The following ATP2C1 variants were observed in gnomAD, a reference collection of about 807,000 sequenced individuals.
ATP2C1 encodes ATPase secretory pathway Ca2+ transporting 1.
ATP2C1 carries 31 observed loss-of-function variants against 120.5 expected under a neutral mutation model. The ratio of observed to expected loss-of-function variants is 0.26; its 90% CI spans 0.19 to 0.35. ATP2C1 has a LOEUF of 0.35. Among genes scored for constraint, ATP2C1 ranks in the 10% least tolerant of loss-of-function variants. The pLI is 1.00. For missense variants in ATP2C1, 731 were observed against 1,107.5 expected (o/e 0.66, Z 4.83); for synonymous variants, 351 against 358.7 (o/e 0.98, Z 0.24).
At chr3:130,950,445 A>G (rs974185357) in intron 8 of ATP2C1, among the ~76,000 whole-genome samples, 1 of 152,106 alleles carries the variant, frequency 6.6e-6, no homozygotes, top group African/African-American at 2.4e-5. Context: ...TGACTCTAAT[A>G]TCTTTCTTCT....
At chr3:130,918,852 C>T (rs2058806006) in intron 2 of ATP2C1, 2 of 335,782 alleles carry the variant, frequency 6.0e-6, no homozygotes, top group South Asian at 2.6e-5. Flanking sequence ...ATTAGCCAGG[C>T]ATGGTGGCGG....
intron 1 of ATP2C1, among the ~76,000 whole-genome samples, chr3:130,860,719 G>T (rs2067987542): frequency 6.6e-6 from 1 of 152,088 alleles, no homozygotes; most frequent in Admixed American, 6.6e-5. Flanking sequence ...ACCTCCCATA[G>T]ATAGGATTCC....
At chr3:130,939,057 T>C (rs1225175897) in intron 6 of ATP2C1, among the ~76,000 whole-genome samples, 1 of 152,180 alleles carries the variant, frequency 6.6e-6, no homozygotes, top group Non-Finnish European at 1.5e-5. Context: ...AAAAGCCTAG[T>C]TTCAAATTGC....
chr3:130,917,209 C>G (rs1305341114), intron 2 of ATP2C1, among the ~76,000 whole-genome samples: 1 of 152,180 alleles, frequency 6.6e-6, no homozygotes, highest in African/African-American at 2.4e-5. Flanking sequence ...ATAGGCTATG[C>G]TAAGCTATGA....
chr3:130,991,715 T>C (rs1391360560), intron 20 of ATP2C1, among the ~76,000 whole-genome samples: 3 of 152,170 alleles, frequency 2.0e-5, no homozygotes, highest in Non-Finnish European at 4.4e-5. Context: ...GGAGAATTTC[T>C]GGAGTAATGG....
chr3:130,863,889 T>G (rs2068089738), intron 1 of ATP2C1, among the ~76,000 whole-genome samples: 1 of 152,188 alleles, frequency 6.6e-6, no homozygotes, highest in Non-Finnish European at 1.5e-5. Context: ...TTAAACCTCT[T>G]TTGCTTCCCA....
intron 26 of ATP2C1, among the ~76,000 whole-genome samples, chr3:131,011,576 A>G (rs1234303594): frequency 1.3e-5 from 2 of 152,208 alleles, no homozygotes; most frequent in African/African-American, 4.8e-5. Flanking sequence ...CCTAATGTAT[A>G]TCTGATCTCA....
rs921882597 is a variant in ATP2C1 at position 130,894,252 on chromosome 3, C to A, written c.-266C>A. The A allele has an allele frequency of 1.4e-5, 14 of 985,950 alleles. No individual in the cohort carries two copies. In the African/African-American group the frequency reaches 2.1e-4, roughly 15 times the overall value. The allele number at this position is 985,950 out of a possible 1,614,324, so 61.1% of individuals were successfully genotyped here. A position where few individuals can be genotyped will look rare whatever the true frequency, so the allele number is the denominator to read the frequency against. On this transcript the variant is annotated 5_prime_UTR_variant, in exon 1 of 28. Transcript: ENST00000510168. This position sits in a 1 kb window ranked among gnomAD's most constrained non-coding sequence, Gnocchi z 4.5. ...TCGCACCGCTGCCCCGCGAGCAGCT[C>A]CTCTTCTCCCGAGGCGCGCGGGGCG...
intron 19 of ATP2C1, 121 bp downstream of exon 19, chr3:130,979,540 C>G (rs907211408): frequency 1.5e-5 from 17 of 1,119,842 alleles, no homozygotes; most frequent in Non-Finnish European, 1.8e-5. Flanking sequence ...CAATTGAAAT[C>G]GACTCATGGT....
At chr3:130,929,272 G>C (rs1410495264) in intron 2 of ATP2C1, among the ~76,000 whole-genome samples, 1 of 152,078 alleles carries the variant, frequency 6.6e-6, no homozygotes, top group East Asian at 1.9e-4. Context: ...ACATGAATTT[G>C]ATTGTTCCAG....
At chr3:131,009,500 G>T (rs773140385) in intron 26 of ATP2C1, among the ~76,000 whole-genome samples, 1 of 152,208 alleles carries the variant, frequency 6.6e-6, no homozygotes, top group Non-Finnish European at 1.5e-5. Context: ...ACAGAATCCA[G>T]TGAAACTAGC....
intron 12 of ATP2C1, among the ~76,000 whole-genome samples, chr3:130,962,715 T>TAAAAAAAAAAAA (rs71133621): frequency 5.3e-5 from 6 of 114,198 alleles, no homozygotes; most frequent in African/African-American, 1.3e-4. Flanking sequence ...ATGGAAGCAT[T>TAAAAAAAAAAAA]AAAAAAAAAA....
chr3:130,955,287 C>G (rs1401443319), intron 10 of ATP2C1, among the ~76,000 whole-genome samples: 1 of 152,000 alleles, frequency 6.6e-6, no homozygotes, highest in African/African-American at 2.4e-5. Flanking sequence ...GGATTTTGAG[C>G]TTTACTCATT....
chr3:130,973,431 G>A (rs1387926216), intron 17 of ATP2C1, among the ~76,000 whole-genome samples: 1 of 152,142 alleles, frequency 6.6e-6, no homozygotes, highest in Admixed American at 6.5e-5. Flanking sequence ...TAGCCCAGCG[G>A]GATACATTCC....
At chr3:130,972,020 C>T (rs774200023) in intron 17 of ATP2C1, among the ~76,000 whole-genome samples, 78 of 152,278 alleles carry the variant, frequency 5.1e-4, no homozygotes, top group African/African-American at 5.1e-4. Context: ...GCCTTTTTGG[C>T]ACCAGGGACT....
intron 8 of ATP2C1, among the ~76,000 whole-genome samples, chr3:130,947,969 T>A (rs1422485080): frequency 6.6e-6 from 1 of 152,172 alleles, no homozygotes; most frequent in Non-Finnish European, 1.5e-5. Flanking sequence ...AGCCCACACC[T>A]CCCTCATCTT....
downstream of ATP2C1, among the ~76,000 whole-genome samples, chr3:131,003,914 A>G (rs1032975881): frequency 1.3e-5 from 2 of 152,184 alleles, no homozygotes; most frequent in African/African-American, 4.8e-5. Context: ...AATTAACTCT[A>G]CCTTGCTTTC....
chr3:130,885,952 T>A (rs2068962204), intron 1 of ATP2C1, among the ~76,000 whole-genome samples: 1 of 152,192 alleles, frequency 6.6e-6, no homozygotes, highest in Non-Finnish European at 1.5e-5. Context: ...TATAGATGAT[T>A]TCTTATTGCT....
chr3:130,941,685 T>G lies in ATP2C1; in HGVS notation c.517T>G (p.Leu173Val). 1 of 1,613,870 alleles carries G rather than the reference T, an allele frequency of 6.2e-7. No individual in the cohort carries two copies. The highest frequency in any genetic ancestry group is 2.2e-5 in the East Asian group (1 of 44,870). ...TGTTGGGGATAGAGTTCCTGCTGACTTACGCTTGTTTGAGGTAAATTTGGG... is the reference window on the plus strand; with the variant it reads ...TGTTGGGGATAGAGTTCCTGCTGACGTACGCTTGTTTGAGGTAAATTTGGG... ...LSVGDRVPAD[L>V]RLFEAVDLSI... Residue 173 changes from leucine to valine, a missense_variant, in exon 8 of 28, where the codon TTA becomes GTA. Coordinates refer to ENST00000510168, the MANE Select transcript of ATP2C1 (RefSeq NM_001378687.1).
Sources: allele counts gnomAD v4.1 joint callset (sites outside exome capture counted in the v4.1 genomes callset), GRCh38; gene constraint gnomAD v4.1.1; non-coding constraint Gnocchi (gnomAD v3.1); transcripts MANE v1.5; gene names NCBI Gene and HGNC (gene_info 2026-07-23, HGNC 2026-07-21).